Variants in CDH2 observed in about 807,000 individuals in gnomAD.
The protein encoded by CDH2 is cadherin 2.
In CDH2, 17 loss-of-function variants were observed where a neutral mutation model predicts 92.0. The observed-to-expected ratio is 0.18, with a 90% confidence interval of 0.13 to 0.28. The LOEUF is 0.28. Ranked by LOEUF, CDH2 falls within the 10% of genes least tolerant of loss-of-function variation. The pLI, the probability that CDH2 is intolerant of heterozygous loss-of-function variation, is 1.00. For missense variants in CDH2, 862 were observed against 1,133.1 expected (o/e 0.76, Z 3.44); for synonymous variants, 419 against 415.9 (o/e 1.01, Z -0.09).
At chr18:28,176,320 G>C (rs1193177316) in intron 1 of CDH2, among the ~76,000 whole-genome samples, 1 of 152,168 alleles carries the variant, frequency 6.6e-6, no homozygotes, top group African/African-American at 2.4e-5. Flanking sequence ...GGCGCTGACC[G>C]GCAGAGACTC....
At chr18:28,038,909 C>A (rs2013893673) in intron 2 of CDH2, among the ~76,000 whole-genome samples, 1 of 152,122 alleles carries the variant, frequency 6.6e-6, no homozygotes, top group African/African-American at 2.4e-5. Context: ...AAATTACTGT[C>A]ATCACAACAA....
At chr18:27,935,325 T>C (rs995367005) in intron 6 of CDH2, among the ~76,000 whole-genome samples, 1 of 152,152 alleles carries the variant, frequency 6.6e-6, no homozygotes, top group Non-Finnish European at 1.5e-5. Flanking sequence ...CATGTTCACA[T>C]GGCTGGAAGG....
chr18:27,996,861 G>A (rs951300737), intron 7 of CDH2, among the ~76,000 whole-genome samples: 5 of 152,110 alleles, frequency 3.3e-5, no homozygotes. Flanking sequence ...TATTCACATG[G>A]ATAGCTATAA....
rs2311344 is a variant in CDH2, at chr18:28,156,749, T to C, written c.61-8965A>G. The stretch of plus-strand genomic sequence containing the variant: ...GTATAGCATGTCACCTTCCCAGGTA[T>C]AGCATGTCACCTTCCCAGGTACAGA... On this transcript the variant is annotated intron_variant, in intron 1 of 15. Transcript: ENST00000269141. 3.1e-3 allele frequency among the ~76,000 whole-genome samples: 126 copies of C among 40,050 alleles called. 3 individuals carry two copies. Among genetic ancestry groups the C allele is most frequent in the African/African-American group, 9.9e-3 (58 of 5,856 alleles). 26.3% of individuals were successfully genotyped at this position (40,050 alleles called of 152,430 possible).
At chr18:27,980,815 CCCAAAAG>C (rs1201598867) in intron 14 of CDH2, among the ~76,000 whole-genome samples, 5 of 148,286 alleles carry the variant, frequency 3.4e-5, no homozygotes, top group African/African-American at 1.2e-4. Context: ...AAAAAAAAAC[CCCAAAAG>C]CCAAAAGCCA....
At chr18:28,101,203 C>A (rs1373804942) in intron 2 of CDH2, among the ~76,000 whole-genome samples, 4 of 152,086 alleles carry the variant, frequency 2.6e-5, no homozygotes, top group African/African-American at 9.7e-5. Context: ...TGCATTGGCT[C>A]TAGAACACCT....
chr18:28,137,169 C>T (rs1240046351), intron 2 of CDH2, among the ~76,000 whole-genome samples: 1 of 152,088 alleles, frequency 6.6e-6, no homozygotes, highest in Non-Finnish European at 1.5e-5. Context: ...TAATGAAAAC[C>T]TTCAACTCAG....
intron 2 of CDH2, among the ~76,000 whole-genome samples, chr18:28,141,223 A>G (rs1229284238): frequency 6.6e-6 from 1 of 152,012 alleles, no homozygotes; most frequent in Admixed American, 6.6e-5. Context: ...ACAGATATAT[A>G]CACAATGGAA....
chr18:28,125,638 C>T (rs1343457296), intron 2 of CDH2, among the ~76,000 whole-genome samples: 2 of 151,882 alleles, frequency 1.3e-5, no homozygotes. Context: ...GGTTAAAAAC[C>T]CCTAAATCAT....
chr18:28,106,529 A>C (rs1003663258), intron 2 of CDH2, among the ~76,000 whole-genome samples: 1 of 151,958 alleles, frequency 6.6e-6, no homozygotes, highest in African/African-American at 2.4e-5. Context: ...CAAAGAAGAC[A>C]AACATTATCC....
rs759436092 is a variant in CDH2 at position 27,990,350 on chromosome 18, G to T, written c.1345C>A (p.Pro449Thr). ...SNDGLVTVVK[P>T]IDFETNRMFV... is the part of the protein sequence containing the mutation. ...ATCCTATTTGTTTCAAAGTCGATTG[G>T]CTGGAAAATAAAAGGGAAGCCATAT... Residue 449 changes from proline (P) to threonine (T), a missense_variant and splice_region_variant, in exon 10 of 16, where the codon CCA becomes ACA. Coordinates refer to ENST00000269141, the MANE Select transcript of CDH2 (RefSeq NM_001792.5). 3 of 1,604,820 alleles carry T rather than the reference G, an allele frequency of 1.9e-6. No homozygotes were observed. In the African/African-American group the frequency reaches 4.0e-5, roughly 22 times the overall value.
intron 2 of CDH2, among the ~76,000 whole-genome samples, chr18:28,054,307 G>GC (rs2014250231): frequency 6.6e-6 from 1 of 151,898 alleles, no homozygotes; most frequent in Non-Finnish European, 1.5e-5. Context: ...AGTTAGACTG[G>GC]CCACAGTGAA....
chr18:28,175,723 C>G (rs534590609), intron 1 of CDH2, among the ~76,000 whole-genome samples: 5 of 152,338 alleles, frequency 3.3e-5, no homozygotes, highest in African/African-American at 1.2e-4. Flanking sequence ...CAGGCACTTC[C>G]GAGCTGCGTC....
At position 27,963,794 on chromosome 18, in the gene CDH2, A is replaced by G. The variant is rs182797163; in HGVS notation, c.2350-273T>C. ...AAAAACAGCAGTGTGATGAGGTCTCACTATAAAACAACTAAAAAACCGACT... is the reference window on the plus strand; with the variant it reads ...AAAAACAGCAGTGTGATGAGGTCTCGCTATAAAACAACTAAAAAACCGACT... On this transcript the variant is annotated intron_variant, in intron 14 of 15. Coordinates refer to ENST00000269141, the MANE Select transcript of CDH2 (RefSeq NM_001792.5). 2.1e-3 allele frequency: 759 copies of G among 361,026 alleles called. 9 individuals carry two copies. Among genetic ancestry groups the G allele is most frequent in the Non-Finnish European group, 1.3e-3 (260 of 196,602 alleles). 22.4% of individuals were successfully genotyped at this position (361,026 alleles called of 1,614,324 possible).
chr18:27,996,546 G>T (rs2143989012), intron 7 of CDH2, among the ~76,000 whole-genome samples: 1 of 152,276 alleles, frequency 6.6e-6, no homozygotes, highest in African/African-American at 2.4e-5. Context: ...AGAGCTGTTT[G>T]TGTCCTCAGG....
At chr18:28,150,867 A>C (rs367703676) in intron 1 of CDH2, among the ~76,000 whole-genome samples, 23 of 152,324 alleles carry the variant, frequency 1.5e-4, no homozygotes, top group Middle Eastern at 3.4e-3. Context: ...TCTTAAAAAC[A>C]ATCTCCATAA....
chr18:28,005,612 C>T (rs559789569), intron 6 of CDH2, among the ~76,000 whole-genome samples: 2 of 152,166 alleles, frequency 1.3e-5, no homozygotes, highest in African/African-American at 4.8e-5. Context: ...TACTGTAGTG[C>T]ATATTTTTTC....
intron 2 of CDH2, among the ~76,000 whole-genome samples, chr18:28,033,127 C>A (rs17522743): frequency 6.6e-6 from 1 of 152,108 alleles, no homozygotes; most frequent in African/African-American, 2.4e-5. Flanking sequence ...CAAAAGATGG[C>A]AGCTTCGGAA....
At chr18:27,980,244 C>T (rs770267040) in intron 14 of CDH2, among the ~76,000 whole-genome samples, 87 of 152,258 alleles carry the variant, frequency 5.7e-4, no homozygotes, top group Middle Eastern at 3.4e-3. Flanking sequence ...CCACCACTGA[C>T]GCTTTCTCAT....
Sources: gnomAD v4.1 joint callset for allele counts (sites outside exome capture counted in the v4.1 genomes callset) on GRCh38, gnomAD v4.1.1 for gene constraint, MANE v1.5 for transcripts, NCBI Gene and HGNC (gene_info 2026-07-23, HGNC 2026-07-21) for gene names.